Variants in EPHA1 observed in about 807,000 individuals in gnomAD.
The protein encoded by EPHA1 is EPH receptor A1, also known as ephrin type-A receptor 1.
A neutral mutation model predicts 110.1 loss-of-function variants in EPHA1; 92 were observed. The ratio of observed to expected loss-of-function variants is 0.84; its 90% CI spans 0.71 to 0.99. The LOEUF (loss-of-function observed/expected upper bound fraction) is 0.99, where lower values mean the gene tolerates loss of function less well. Ranked by LOEUF, EPHA1 falls within the 50% of genes least tolerant of loss-of-function variation. The pLI is 0.00. For missense variants in EPHA1, 1,204 were observed against 1,285.4 expected, an observed-to-expected ratio of 0.94 and a Z score of 0.97; for synonymous variants, 500 against 516.1, an observed-to-expected ratio of 0.97 and a Z score of 0.42.
chr7:143,402,907 T>G (rs1001902413), intron 2 of EPHA1, among the ~76,000 whole-genome samples: 1 of 152,226 alleles, frequency 6.6e-6, no homozygotes, highest in African/African-American at 2.4e-5. Context: ...ACCCTCATCC[T>G]TCCACTCTCA....
chr7:143,396,312 G>A, intron 11 of EPHA1, 73 bp downstream of exon 11: 1 of 1,549,718 alleles, frequency 6.5e-7, no homozygotes, highest in Non-Finnish European at 8.7e-7. Context: ...AGCGCTGGAA[G>A]GAAGGGGCCT....
intron 2 of EPHA1, among the ~76,000 whole-genome samples, chr7:143,406,254 G>C (rs1047114498): frequency 6.6e-6 from 1 of 152,142 alleles, no homozygotes; most frequent in African/African-American, 2.4e-5. Flanking sequence ...GAGGTTGAAG[G>C]TTGAGCTGAT....
rs1805278986 is a variant in EPHA1 at position 143,397,259 on chromosome 7, G to A, written c.1771+45C>T. ...AACACACACACACACGCACACACAG[G>A]TGTGCACACGCATGTGGGGACACAC... On this transcript the variant is annotated intron_variant, in intron 10 of 17. Coordinates refer to ENST00000275815, the MANE Select transcript of EPHA1 (RefSeq NM_005232.5). 3.9e-6 allele frequency: 6 copies of A among 1,530,242 alleles called. No individual in the cohort carries two copies. The South Asian group carries it at 7.3e-5, about 18-fold the overall frequency. The allele number at this position is 1,530,242 out of a possible 1,614,324, so 94.8% of individuals were successfully genotyped here. A position where few individuals can be genotyped will look rare whatever the true frequency, so the allele number is the denominator to read the frequency against.
At position 143,399,864 on chromosome 7, in the gene EPHA1, G is replaced by A. The variant is rs1212436393; in HGVS notation, c.622C>T (p.Leu208=). The change falls in exon 4 of 18, where the codon CTG becomes TTG. Residue 208 remains leucine (L), a synonymous_variant. Coordinates refer to ENST00000275815, the MANE Select transcript of EPHA1 (RefSeq NM_005232.5). ...RVFYQRCPET[L]NGLAQFPDTL... ...TCTGGGAATTGGGCCAAGCCATTCA[G>A]GGTCTCAGGACAGCGCTGGTAGAAG... 6.2e-7 allele frequency: 1 copy of A among 1,606,474 alleles called. No individual in the cohort carries two copies. The highest frequency in any genetic ancestry group is 1.3e-5 in the African/African-American group (1 of 74,832).
chr7:143,404,362 G>A (rs1175564346), intron 2 of EPHA1, among the ~76,000 whole-genome samples: 11 of 151,740 alleles, frequency 7.2e-5, no homozygotes, highest in African/African-American at 2.4e-4. Context: ...GACTACAGGC[G>A]CTCGCCACCA....
rs762026258 is a variant in EPHA1, at chr7:143,399,800, C to T, written c.686G>A (p.Gly229Glu). Residue 229 changes from glycine to glutamate, a missense_variant, in exon 4 of 18, where the codon GGG (glycine) becomes GAG (glutamate). Transcript: ENST00000275815. ...GGCCCGCGCGTGGGGCAAGCAGGTC[C>T]CCGCCACTTCCACCAACCCAGCGGG... ...PGPAGLVEVA[G>E]TCLPHARASP... 1.9e-6 allele frequency: 3 copies of T among 1,610,768 alleles called. No individual in the cohort carries two copies. The highest frequency in any genetic ancestry group is 2.5e-6 in the Non-Finnish European group (3 of 1,178,316).
In EPHA1 at chr7:143,398,885, C is replaced by T. The variant is rs111641464; in HGVS notation, c.1052G>A (p.Arg351His). Residue 351 changes from arginine to histidine, a missense_variant, in exon 6 of 18, where the codon CGT (arginine) becomes CAT (histidine). By Grantham distance (29) the Arg-to-His change is conservative (BLOSUM62 0). Transcript: ENST00000275815. Reference sequence around the variant, plus strand: ...CCCCGTATCTGCTGGGGGTTCCCAACGCAGGGAGAGCTGAGTCCCTGAGGC... The same window carrying T: ...CCCCGTATCTGCTGGGGGTTCCCAATGCAGGGAGAGCTGAGTCCCTGAGGC... ...FSASGTQLSL[R>H]WEPPADTGGR... 27 of 1,613,386 alleles carry T rather than the reference C, an allele frequency of 1.7e-5. No homozygotes were observed. The highest frequency in any genetic ancestry group is 6.7e-5 in the African/African-American group (5 of 75,022).
intron 2 of EPHA1, among the ~76,000 whole-genome samples, chr7:143,405,990 T>G (rs566099475): frequency 6.6e-6 from 1 of 152,334 alleles, no homozygotes; most frequent in Non-Finnish European, 1.5e-5. Context: ...AGTGGTTCTG[T>G]GACCAGCTGT....
rs755294761 is a variant in EPHA1 at position 143,399,330 on chromosome 7, C to T, written c.919G>A (p.Gly307Arg). Residue 307 changes from glycine (G) to arginine (R), a missense_variant, in exon 5 of 18, where the codon GGG becomes AGG. Gly to Arg is a moderately radical substitution (Grantham distance 125). Transcript: ENST00000275815. ...CPQQSTAESE[G>R]ATICTCESGH... ...CTCTCACAGGTACAGATGGTGGCCC[C>T]CTCAGACTCAGCAGTGCTCTGCTGG... The T allele has an allele frequency of 1.9e-6, 3 of 1,612,530 alleles. No homozygotes were observed. The highest frequency in any genetic ancestry group is 2.7e-5 in the African/African-American group (2 of 74,878).
Position 143,396,690 on chromosome 7 carries a change from G to A in EPHA1, c.1772-180C>T, listed in dbSNP as rs1586580669. On this transcript the variant is annotated intron_variant, in intron 10 of 17. Coordinates refer to ENST00000275815, the MANE Select transcript of EPHA1 (RefSeq NM_005232.5). Reference sequence around the variant, plus strand: ...TAGCAACTAGGCCTTTCTTCTCCCTGTCTATGCTCCAAGCTCCGCTGTCCT... The same window carrying A: ...TAGCAACTAGGCCTTTCTTCTCCCTATCTATGCTCCAAGCTCCGCTGTCCT... 3.0e-5 allele frequency: 20 copies of A among 667,738 alleles called. No individual in the cohort carries two copies. The East Asian group carries it at 5.8e-4, about 20-fold the overall frequency. 41.4% of individuals were successfully genotyped at this position (667,738 alleles called of 1,614,324 possible). A position where few individuals can be genotyped will look rare whatever the true frequency, so the allele number is the denominator to read the frequency against.
chr7:143,404,649 G>A (rs1274038649), intron 2 of EPHA1, among the ~76,000 whole-genome samples: 1 of 151,310 alleles, frequency 6.6e-6, no homozygotes, highest in African/African-American at 2.4e-5. Flanking sequence ...ATATGTGTAG[G>A]CTCGTTTTTG....
rs560427865 is a variant in EPHA1, at chr7:143,397,357, G to A, written c.1718C>T (p.Ala573Val). 1.5e-5 allele frequency: 24 copies of A among 1,549,950 alleles called. No individual in the cohort carries two copies. The African/African-American group carries it at 3.0e-4, about 19-fold the overall frequency. The stretch of plus-strand genomic sequence containing the variant: ...CTGCCTCTGCTGCCTCTGCCGCTGG[G>A]CTCTCCTGTGGGGGTTGGGGACCAG... ...LGILVFRSRR[A>V]QRQRQQRQRD... is the part of the protein sequence containing the mutation. The change falls in exon 10 of 18, where the codon GCC becomes GTC. Residue 573 changes from alanine to valine, a missense_variant. Ala to Val is a moderately conservative substitution (Grantham distance 64, BLOSUM62 0). Transcript: ENST00000275815.
At chr7:143,399,071 AC>A in intron 5 of EPHA1, 126 bp from the exon 6 acceptor site, 1 of 1,207,626 alleles carries the variant, frequency 8.3e-7, no homozygotes, top group South Asian at 1.5e-5. Flanking sequence ...TTTGATTTCT[AC>A]TGGGTTTGAC....
chr7:143,405,440 T>C (rs1004564477), intron 2 of EPHA1, among the ~76,000 whole-genome samples: 12 of 99,808 alleles, frequency 1.2e-4, no homozygotes, highest in Non-Finnish European at 2.2e-4. Context: ...TGTGTGCGTG[T>C]GTGTGTGTGT....
rs1385002529 is a variant in EPHA1 at position 143,395,895 on chromosome 7, G to T, written c.1898-391C>A. On this transcript the variant is annotated intron_variant, in intron 11 of 17. Transcript: ENST00000275815. This position sits in a 1 kb window ranked among gnomAD's most constrained non-coding sequence, Gnocchi z 4.7. The stretch of plus-strand genomic sequence containing the variant: ...CTGTGAGCTCCTCTGGTCCCAGCTT[G>T]CCTGGCTCAGCTGCACAATTGGCAA... Among the ~76,000 whole-genome samples the T allele has an allele frequency of 1.3e-5, 2 of 152,214 alleles. No homozygotes were observed. Among genetic ancestry groups the T allele is most frequent in the Admixed American group, 6.5e-5 (1 of 15,288 alleles).
At chr7:143,407,482 T>C (rs1725194379) in intron 2 of EPHA1, 129 bp downstream of exon 2, 2 of 676,422 alleles carry the variant, frequency 3.0e-6, no homozygotes, top group Non-Finnish European at 4.9e-6. Flanking sequence ...CTCAGCCTCC[T>C]CTCCCCCTCC....
chr7:143,392,285 A>G (rs111867289), intron 16 of EPHA1, among the ~76,000 whole-genome samples: 1,883 of 152,316 alleles, frequency 0.012, 41 homozygotes, highest in African/African-American at 0.043. Flanking sequence ...TCCTGTACTA[A>G]AGCTCGCCAG....
At chr7:143,408,701 G>A (rs1355254932) in intron 1 of EPHA1, 23 bp downstream of exon 1, 26 of 551,112 alleles carry the variant, frequency 4.7e-5, no homozygotes, top group East Asian at 3.8e-4. Flanking sequence ...GGGGGTTGGG[G>A]GCGCGGGGGC....
rs1428259311 is a variant in EPHA1, at chr7:143,394,929, T to C, written c.2231A>G (p.Asn744Ser). ...GGCAGCCAGGTCCCGGTGGACATAA[T>C]TGTGATTACTGAGGTAGTTCATGCC... is the stretch of plus-strand genomic sequence containing the variant. ...ASGMNYLSNH[N>S]YVHRDLAARN... The change falls in exon 14 of 18, where the codon AAT becomes AGT. Residue 744 changes from asparagine to serine, a missense_variant. Physicochemically the swap from Asn to Ser is conservative, Grantham distance 46 (BLOSUM62 1). Transcript: ENST00000275815. The C allele has an allele frequency of 5.0e-6, 8 of 1,614,112 alleles. No homozygotes were observed. Among genetic ancestry groups the C allele is most frequent in the Admixed American group, 1.7e-5 (1 of 60,010 alleles).
Sources: allele counts gnomAD v4.1 joint callset (sites outside exome capture counted in the v4.1 genomes callset), GRCh38; gene constraint gnomAD v4.1.1; non-coding constraint Gnocchi (gnomAD v3.1); transcripts MANE v1.5; gene names NCBI Gene and HGNC (gene_info 2026-07-23, HGNC 2026-07-21).